The following DGAT2 variants were observed in gnomAD, a reference collection of about 807,000 sequenced individuals.
DGAT2 encodes the protein acyl-CoA retinol O-fatty-acyltransferase.
Under a neutral mutation model 48.4 loss-of-function variants are expected in DGAT2, and 33 were observed. The observed-to-expected ratio is 0.68, with a 90% CI of 0.52 to 0.91. The LOEUF is 0.91. Among genes scored for constraint, DGAT2 ranks in the 40% least tolerant of loss-of-function variants. The pLI is 0.00. For synonymous variants in DGAT2, 191 were observed against 194.1 expected (o/e 0.98, Z 0.13); for missense variants, 446 against 493.7 (o/e 0.90, Z 0.92).
chr11:75,799,536 A>G (rs1945089647), intron 7 of DGAT2, among the ~76,000 whole-genome samples: 1 of 152,166 alleles, frequency 6.6e-6, no homozygotes, highest in Non-Finnish European at 1.5e-5. Context: ...ATGCAGCAGG[A>G]TAAGAAAATA....
At chr11:75,772,165 G>A (rs1944765488) in intron 1 of DGAT2, among the ~76,000 whole-genome samples, 1 of 152,166 alleles carries the variant, frequency 6.6e-6, no homozygotes, top group Non-Finnish European at 1.5e-5. Context: ...TCTCCATGGT[G>A]CGGGTGGCAG....
intron 1 of DGAT2, among the ~76,000 whole-genome samples, chr11:75,779,720 T>G (rs1944839819): frequency 6.6e-6 from 1 of 152,222 alleles, no homozygotes; most frequent in South Asian, 2.1e-4. Context: ...CCCTACAGCC[T>G]GTCTCATCTG....
chr11:75,771,615 G>A (rs1345744354), intron 1 of DGAT2, among the ~76,000 whole-genome samples: 1 of 152,050 alleles, frequency 6.6e-6, no homozygotes, highest in African/African-American at 2.4e-5. Flanking sequence ...AAACTAAGTG[G>A]CTAGATTGTT....
intron 2 of DGAT2, among the ~76,000 whole-genome samples, chr11:75,786,716 C>G (rs1315732820): frequency 6.6e-6 from 1 of 152,190 alleles, no homozygotes. Flanking sequence ...GCAGCCCCAG[C>G]CACTCCTTCC....
At chr11:75,798,699 A>G (rs1430176471) in intron 7 of DGAT2, among the ~76,000 whole-genome samples, 2 of 152,198 alleles carry the variant, frequency 1.3e-5, no homozygotes, top group African/African-American at 2.4e-5. Flanking sequence ...CTAGTCTATC[A>G]GGGAAGACTA....
rs1945053071 is a variant in DGAT2 at position 75,796,364 on chromosome 11, T to G, written c.466T>G (p.Tyr156Asp). ...KTHNLLTTRNYIFGYHPHGIM... is the reference protein window; with the variant it reads ...KTHNLLTTRNDIFGYHPHGIM... ...ACACAACCTGCTGACCACCAGGAAC[T>G]ATATCTTTGGATACCACCCCCATGG... Residue 156 changes from tyrosine to aspartate, a missense_variant, in exon 5 of 8, where the codon TAT becomes GAT. By Grantham distance (160) the Tyr-to-Asp change is radical (BLOSUM62 -3). Transcript: ENST00000228027. 6.2e-7 allele frequency: 1 copy of G among 1,614,130 alleles called. No homozygotes were observed. The highest frequency in any genetic ancestry group is 8.5e-7 in the Non-Finnish European group (1 of 1,180,004).
chr11:75,791,985 G>T (rs1944994331), intron 4 of DGAT2, among the ~76,000 whole-genome samples: 1 of 152,218 alleles, frequency 6.6e-6, no homozygotes, highest in Admixed American at 6.5e-5. Flanking sequence ...TTCTGATTGG[G>T]TGGGAGTGAT....
intron 7 of DGAT2, among the ~76,000 whole-genome samples, chr11:75,798,689 C>G (rs2135782049): frequency 6.6e-6 from 1 of 152,306 alleles, no homozygotes; most frequent in South Asian, 2.1e-4. Context: ...GCAGCACCCA[C>G]TAGTCTATCA....
intron 1 of DGAT2, among the ~76,000 whole-genome samples, chr11:75,772,050 G>C (rs1294304145): frequency 6.6e-6 from 1 of 152,164 alleles, no homozygotes; most frequent in Non-Finnish European, 1.5e-5. Context: ...CCAGTCTGTG[G>C]CCTGACTCCT....
Position 75,769,036 on chromosome 11 carries a change from GCGTCAGGCCGAGGC to G in DGAT2, c.46_59del (p.Arg16Ter). The G allele has an allele frequency of 6.3e-7, 1 of 1,576,906 alleles. No homozygotes were observed. ...CCTACTCCGGGGTCCTGCGCGGCGA[GCGTCAGGCCGAGGC>G]TGACCGGAGCCAGCGCTCTCACGGA... On this transcript the variant is annotated frameshift_variant, in exon 1 of 8. Coordinates refer to ENST00000228027, the MANE Select transcript of DGAT2 (RefSeq NM_032564.5). LOFTEE classifies it high-confidence loss of function.
At chr11:75,783,052 G>A (rs1944883884) in intron 1 of DGAT2, among the ~76,000 whole-genome samples, 1 of 152,212 alleles carries the variant, frequency 6.6e-6, no homozygotes, top group Non-Finnish European at 1.5e-5. Flanking sequence ...TTATGAGGCA[G>A]ACCTCTGGAA....
intron 4 of DGAT2, chr11:75,793,634 T>C (rs1449153946): frequency 3.3e-5 from 5 of 152,334 alleles, no homozygotes; most frequent in Non-Finnish European, 5.9e-5. Context: ...TGTGGGTTCC[T>C]GGTTATCGGC....
At chr11:75,777,746 T>C (rs1233164619) in intron 1 of DGAT2, among the ~76,000 whole-genome samples, 1 of 152,142 alleles carries the variant, frequency 6.6e-6, no homozygotes, top group Non-Finnish European at 1.5e-5. Flanking sequence ...GTGTGGGCTT[T>C]CGAGAGGCGT....
intron 4 of DGAT2, chr11:75,793,767 C>T (rs1332711685): frequency 6.6e-6 from 1 of 152,268 alleles, no homozygotes; most frequent in Non-Finnish European, 1.5e-5. Flanking sequence ...TTCCAAGTTT[C>T]CCACCTGGTA....
intron 1 of DGAT2, among the ~76,000 whole-genome samples, chr11:75,771,963 A>G (rs926978871): frequency 6.6e-6 from 1 of 152,154 alleles, no homozygotes; most frequent in Non-Finnish European, 1.5e-5. Context: ...CATGTTACAG[A>G]TGGGATCACT....
At chr11:75,770,883 C>T (rs2135755340) in intron 1 of DGAT2, among the ~76,000 whole-genome samples, 1 of 152,128 alleles carries the variant, frequency 6.6e-6, no homozygotes, top group South Asian at 2.1e-4. Flanking sequence ...GTCAGTTCAG[C>T]TTTCTGGGAT....
At chr11:75,794,365 GCAC>G (rs1845906815) in intron 4 of DGAT2, 1 of 152,230 alleles carries the variant, frequency 6.6e-6, no homozygotes, top group Admixed American at 6.5e-5. Flanking sequence ...CTTCCAGCTG[GCAC>G]CAGTGCAGGG....
intron 1 of DGAT2, among the ~76,000 whole-genome samples, chr11:75,783,258 C>T (rs1944886996): frequency 6.6e-6 from 1 of 152,200 alleles, no homozygotes. Context: ...TTTGACTCTT[C>T]TGCTAAACTA....
intron 4 of DGAT2, chr11:75,793,038 C>A (rs1181712550): frequency 6.6e-6 from 1 of 152,252 alleles, no homozygotes; most frequent in Admixed American, 6.5e-5. Context: ...TGGGACAAGC[C>A]TATCTGAGCA....
Sources: gnomAD v4.1 joint callset for allele counts (sites outside exome capture counted in the v4.1 genomes callset) on GRCh38, gnomAD v4.1.1 for gene constraint, MANE v1.5 for transcripts, NCBI Gene and HGNC (gene_info 2026-07-23, HGNC 2026-07-21) for gene names.